The following PDE4A variants were observed in gnomAD, a reference collection of about 807,000 sequenced individuals.
The protein encoded by PDE4A is phosphodiesterase 4A.
A neutral mutation model predicts 73.9 loss-of-function variants in PDE4A; 21 were observed. The observed-to-expected ratio is 0.28, with a 90% CI of 0.20 to 0.41. The LOEUF (loss-of-function observed/expected upper bound fraction) is 0.41, where lower values mean the gene tolerates loss of function less well. Ranked by LOEUF, PDE4A falls within the 10% of genes least tolerant of loss-of-function variation. The pLI is 1.00. For missense variants in PDE4A, 958 were observed against 1,211.4 expected, an observed-to-expected ratio of 0.79 and a Z score of 3.10; for synonymous variants, 463 against 505.4, an observed-to-expected ratio of 0.92 and a Z score of 1.13.
intron 1 of PDE4A, among the ~76,000 whole-genome samples, chr19:10,434,287 C>A (rs1599412740): frequency 6.6e-6 from 1 of 151,058 alleles, no homozygotes; most frequent in South Asian, 2.1e-4. Context: ...TCAATGCAAC[C>A]TCTGCCTCCC....
intron 10 of PDE4A, 110 bp downstream of exon 10, chr19:10,459,869 G>T (rs551004536): frequency 8.0e-7 from 1 of 1,243,624 alleles, no homozygotes; most frequent in Non-Finnish European, 1.1e-6. Context: ...TCTCTTTGAC[G>T]CCATTTCTCT....
intron 1 of PDE4A, chr19:10,427,452 G>C (rs1271276881): frequency 1.8e-5 from 18 of 981,644 alleles, no homozygotes; most frequent in Non-Finnish European, 2.1e-5. Context: ...GGAGGCAGTG[G>C]AAAAAAAGGA....
Position 10,453,070 on chromosome 19 carries a change from A to G in PDE4A, c.784-1759A>G. Reference sequence around the variant, plus strand: ...CGTTGGGGCCCAGGGCTGGCGGGCCATGTAACCAGGGCTGCTGCTGGGAGC... The same window carrying G: ...CGTTGGGGCCCAGGGCTGGCGGGCCGTGTAACCAGGGCTGCTGCTGGGAGC... On this transcript the variant is annotated intron_variant, in intron 6 of 14. Coordinates refer to ENST00000380702, the MANE Select transcript of PDE4A (RefSeq NM_001111307.2). The surrounding 1 kb of genome is among the most constrained non-coding windows in gnomAD (Gnocchi z 4.6). The G allele has an allele frequency of 7.5e-7, 1 of 1,336,380 alleles. No homozygotes were observed. Among genetic ancestry groups the G allele is most frequent in the Non-Finnish European group, 9.6e-7 (1 of 1,045,582 alleles). The allele number at this position is 1,336,380 out of a possible 1,614,324, so 82.8% of individuals were successfully genotyped here.
intron 14 of PDE4A, among the ~76,000 whole-genome samples, chr19:10,465,683 C>CTTTTTTTTTTGTTTTTTTT (rs2043355389): frequency 4.1e-5 from 2 of 48,366 alleles, no homozygotes; most frequent in Non-Finnish European, 7.3e-5. Flanking sequence ...GTGGCTTTAG[C>CTTTTTTTTTTGTTTTTTTT]TTTTTTTTTT....
Position 10,467,538 on chromosome 19 carries a change from A to G in PDE4A, c.2578A>G (p.Ser860Gly), listed in dbSNP as rs777713898. Residue 860 changes from serine (S) to glycine (G), a missense_variant, in exon 15 of 15, where the codon AGT becomes GGT. This residue lies in a region of PDE4A where 243 missense variants were observed against 245.9 expected (regional missense o/e 0.99). Coordinates refer to ENST00000380702, the MANE Select transcript of PDE4A (RefSeq NM_001111307.2). The part of the protein sequence containing the change: ...REHQAAKRAC[S>G]ACAGTFGEDT... ...GCACCAGGCTGCCAAGAGGGCTTGC[A>G]GTGCCTGCGCAGGGACATTTGGGGA... is the stretch of plus-strand genomic sequence containing the variant. 1 of 1,612,300 alleles carries G rather than the reference A, an allele frequency of 6.2e-7. No homozygotes were observed. Among genetic ancestry groups the G allele is most frequent in the Non-Finnish European group, 8.5e-7 (1 of 1,179,608 alleles).
chr19:10,456,357 C>G (rs2043170142), intron 7 of PDE4A, among the ~76,000 whole-genome samples: 1 of 152,038 alleles, frequency 6.6e-6, no homozygotes, highest in Admixed American at 6.6e-5. Context: ...GAAACGCCAT[C>G]TCTACTAAAA....
At chr19:10,417,796 C>G, upstream of PDE4A, 1 of 1,557,028 alleles carries the variant, frequency 6.4e-7, no homozygotes, top group Non-Finnish European at 8.6e-7. Context: ...GTCCCTCTGC[C>G]GCCACGGCCC....
intron 13 of PDE4A, among the ~76,000 whole-genome samples, chr19:10,463,061 T>G (rs537478100): frequency 5.3e-5 from 8 of 151,834 alleles, no homozygotes; most frequent in African/African-American, 1.2e-4. Flanking sequence ...GTCCTGTCCT[T>G]TCCTTTCCTT....
intron 13 of PDE4A, among the ~76,000 whole-genome samples, chr19:10,462,831 C>T (rs1383026474): frequency 6.6e-6 from 1 of 152,152 alleles, no homozygotes; most frequent in African/African-American, 2.4e-5. Context: ...CACCTCTCCC[C>T]GTTACCTCCT....
At position 10,458,607 on chromosome 19, in the gene PDE4A, GTTATTTATTTTTAT is replaced by G. The variant is rs1568381639; in HGVS notation, c.1101+516_1101+529del. Among the ~76,000 whole-genome samples the G allele has an allele frequency of 6.6e-6, 1 of 152,080 alleles. No homozygotes were observed. Among genetic ancestry groups the G allele is most frequent in the African/African-American group, 2.4e-5 (1 of 41,418 alleles). On this transcript the variant is annotated intron_variant, in intron 8 of 14. Transcript: ENST00000380702. This position sits in a 1 kb window ranked among gnomAD's most constrained non-coding sequence, Gnocchi z 4.6. ...CTTCCATTCAGTCACCTGGCCTTTA[GTTATTTATTTTTAT>G]TTATTTATTTATTTTGAGATGGAGA...
At chr19:10,456,688 G>T (rs2145565241) in intron 7 of PDE4A, among the ~76,000 whole-genome samples, 1 of 151,798 alleles carries the variant, frequency 6.6e-6, no homozygotes, top group South Asian at 2.1e-4. Flanking sequence ...CTGCACTCCA[G>T]CTTGTCTCAA....
intron 1 of PDE4A, among the ~76,000 whole-genome samples, chr19:10,436,810 C>T (rs1469313267): frequency 1.3e-5 from 2 of 152,080 alleles, no homozygotes; most frequent in Admixed American, 6.5e-5. Flanking sequence ...GAGGCTGAGG[C>T]GGGTGGATCA....
At chr19:10,416,969 C>G (rs117320342), upstream of PDE4A, 121,135 of 1,544,314 alleles carry the variant, frequency 0.078, 5,199 homozygotes, top group Non-Finnish European at 0.089. Context: ...GTGCCCTGTC[C>G]GTGGCAGGGA....
rs1478222683 is a variant in PDE4A, at chr19:10,457,432, G to A, written c.878-447G>A. On this transcript the variant is annotated intron_variant, in intron 7 of 14. Transcript: ENST00000380702. ...CAGGCAGGCTGGTGCCAAGGTGGGCGGGGGGGGGGGGGGGCAGGGACATGG... is the reference window on the plus strand; with the variant it reads ...CAGGCAGGCTGGTGCCAAGGTGGGCAGGGGGGGGGGGGGGCAGGGACATGG... 8.3e-4 allele frequency among the ~76,000 whole-genome samples: 3 copies of A among 3,600 alleles called. No homozygotes were observed. The East Asian group carries it at 9.9e-3, about 12-fold the overall frequency. 2.4% of individuals were successfully genotyped at this position (3,600 alleles called of 152,430 possible). A position where few individuals can be genotyped will look rare whatever the true frequency, so the allele number is the denominator to read the frequency against.
chr19:10,447,699 A>G (rs1381640435), intron 2 of PDE4A, among the ~76,000 whole-genome samples: 1 of 152,072 alleles, frequency 6.6e-6, no homozygotes, highest in African/African-American at 2.4e-5. Context: ...CCAGCCAGAA[A>G]GGTGTGAGTG....
At chr19:10,416,978 G>A (rs555560490), upstream of PDE4A, 10 of 1,541,570 alleles carry the variant, frequency 6.5e-6, no homozygotes, top group African/African-American at 8.2e-5. Context: ...CCGTGGCAGG[G>A]ACCGGGGACG....
chr19:10,462,051 C>A (rs764194870), intron 13 of PDE4A, 52 bp downstream of exon 13: 3 of 1,509,228 alleles, frequency 2.0e-6, no homozygotes, highest in East Asian at 2.3e-5. Context: ...CCAGCCACAC[C>A]TTTAGGTCTG....
At chr19:10,428,357 C>T (rs980820244) in intron 1 of PDE4A, among the ~76,000 whole-genome samples, 1 of 137,298 alleles carries the variant, frequency 7.3e-6, no homozygotes, top group Non-Finnish European at 1.6e-5. Flanking sequence ...GATCCTGTCT[C>T]GAGAGAGAGA....
At position 10,424,828 on chromosome 19, in the gene PDE4A, G is replaced by A. The variant is rs373069329; in HGVS notation, c.320+3744G>A. ...CCGCCTCTGCGCGCTTGCCCGGCAG[G>A]CCGGTGAACCCCAGCATCCTTGGCT... is the stretch of plus-strand genomic sequence containing the variant. On this transcript the variant is annotated intron_variant, in intron 1 of 14. Transcript: ENST00000380702. This position sits in a 1 kb window ranked among gnomAD's most constrained non-coding sequence, Gnocchi z 4.8. Among the ~76,000 whole-genome samples the A allele has an allele frequency of 6.6e-6, 1 of 152,238 alleles. No individual in the cohort carries two copies. Among genetic ancestry groups the A allele is most frequent in the Non-Finnish European group, 1.5e-5 (1 of 68,048 alleles).
Sources: gnomAD v4.1 joint callset for allele counts (sites outside exome capture counted in the v4.1 genomes callset) on GRCh38, gnomAD v4.1.1 for gene constraint, gnomAD v4.1.1 regional missense constraint, Gnocchi (gnomAD v3.1) non-coding constraint, MANE v1.5 for transcripts, NCBI Gene and HGNC (gene_info 2026-07-23, HGNC 2026-07-21) for gene names.